The following PCM1 variants were observed in gnomAD, a reference collection of about 807,000 sequenced individuals.
PCM1 encodes the protein pericentriolar material 1.
Under a neutral mutation model 241.9 loss-of-function variants are expected in PCM1, and 157 were observed. The observed-to-expected ratio is 0.65, with a 90% confidence interval of 0.57 to 0.74. PCM1 has a LOEUF of 0.74. Ranked by LOEUF, PCM1 falls within the 30% of genes least tolerant of loss-of-function variation. PCM1 has a pLI of 0.00. For missense variants in PCM1, 3,478 were observed against 2,360.1 expected, an observed-to-expected ratio of 1.47 and a Z score of -9.81; for synonymous variants, 1,085 against 784.9, an observed-to-expected ratio of 1.38 and a Z score of -6.39.
chr8:17,936,515 C>G (rs777534429), intron 3 of PCM1, among the ~76,000 whole-genome samples: 1 of 152,020 alleles, frequency 6.6e-6, no homozygotes, highest in Admixed American at 6.6e-5. Flanking sequence ...TTTTGTAATT[C>G]CATATTAGCT....
intron 9 of PCM1, among the ~76,000 whole-genome samples, chr8:17,953,574 CAT>C (rs2066876834): frequency 6.6e-6 from 1 of 151,926 alleles, no homozygotes; most frequent in Non-Finnish European, 1.5e-5. Flanking sequence ...AACTGTGAAA[CAT>C]AGTGTGTATT....
chr8:17,988,547 T>C (rs961175719), intron 26 of PCM1, among the ~76,000 whole-genome samples: 2 of 151,788 alleles, frequency 1.3e-5, no homozygotes, highest in African/African-American at 4.8e-5. Context: ...ATTAAGAAAT[T>C]AGACTTAACA....
intron 24 of PCM1, among the ~76,000 whole-genome samples, chr8:17,983,011 A>G (rs1420452579): frequency 6.6e-6 from 1 of 152,198 alleles, no homozygotes; most frequent in African/African-American, 2.4e-5. Context: ...GAAGTTTATT[A>G]TGATAGTCAT....
At chr8:17,999,453 C>T (rs1417957647) in intron 29 of PCM1, among the ~76,000 whole-genome samples, 1 of 152,064 alleles carries the variant, frequency 6.6e-6, no homozygotes, top group Non-Finnish European at 1.5e-5. Flanking sequence ...CTAAAAATGT[C>T]ATCTTGGAGC....
rs184441881 is a variant in PCM1 at position 17,966,505 on chromosome 8, A to G, written c.3221+32A>G. ...TGTTTCTTAGAAGTATTGAGACTGT[A>G]TAAGAGCTAACATTGAGCAGAGGTT... On this transcript the variant is annotated intron_variant, in intron 20 of 38. Transcript: ENST00000325083. The G allele has an allele frequency of 1.7e-4, 276 of 1,598,078 alleles. 1 individual carries two copies. The African/African-American group carries it at 2.6e-3, about 15-fold the overall frequency.
intron 20 of PCM1, among the ~76,000 whole-genome samples, chr8:17,966,770 G>A (rs113650793): frequency 0.013 from 2,015 of 152,246 alleles, 24 homozygotes; most frequent in African/African-American, 0.032. Flanking sequence ...CAGTTTTACC[G>A]ACTGTCGGAC....
rs778943046 is a variant in PCM1, at chr8:17,957,245, G to A, written c.1647-19G>A. ...TTTTTTGTGCCTTAAATGACTTCAG[G>A]CTGTTTTCTTTCTTCTAGAAATCCA... On this transcript the variant is annotated intron_variant, in intron 11 of 38. Coordinates refer to ENST00000325083, the MANE Select transcript of PCM1 (RefSeq NM_006197.4). 8 of 1,564,250 alleles carry A rather than the reference G, an allele frequency of 5.1e-6. No homozygotes were observed. Among genetic ancestry groups the A allele is most frequent in the Non-Finnish European group, 6.1e-6 (7 of 1,156,324 alleles).
chr8:17,937,951 ATATC>A (rs1006902141), intron 4 of PCM1, among the ~76,000 whole-genome samples: 3 of 152,198 alleles, frequency 2.0e-5, no homozygotes, highest in African/African-American at 4.8e-5. Context: ...TCATTTATTT[ATATC>A]TATTTATCAA....
intron 21 of PCM1, among the ~76,000 whole-genome samples, chr8:17,968,756 GTGTGTGTATATA>G (rs1212832199): frequency 7.6e-6 from 1 of 130,736 alleles, no homozygotes; most frequent in African/African-American, 2.8e-5. Context: ...GTGTGTGTGT[GTGTGTGTATATA>G]TATATATATA....
At position 17,950,664 on chromosome 8, in the gene PCM1, A is replaced by G. The variant is rs1278567220; in HGVS notation, c.1011A>G (p.Glu337=). 5.6e-6 allele frequency: 9 copies of G among 1,606,452 alleles called. No individual in the cohort carries two copies. The highest frequency in any genetic ancestry group is 2.7e-5 in the African/African-American group (2 of 74,832). ...TATCTGGCGTCAGTATCACATCTGA[A>G]CTAAATGAAGAATTGAATGACTTAA... The part of the protein sequence containing the change: ...GSLSGVSITS[E]LNEELNDLIQ... Residue 337 remains glutamate, a synonymous_variant, in exon 8 of 39, where the codon GAA becomes GAG. Transcript: ENST00000325083.
rs945449683 is a variant in PCM1 at position 17,961,949 on chromosome 8, A to G, written c.2323-85A>G. On this transcript the variant is annotated intron_variant, in intron 15 of 38. Coordinates refer to ENST00000325083, the MANE Select transcript of PCM1 (RefSeq NM_006197.4). Reference sequence around the variant, plus strand: ...AGATTAAATATGGCACTAGAGCCTTAGTGCCATATTTAAAGTAACTGCTTT... The same window carrying G: ...AGATTAAATATGGCACTAGAGCCTTGGTGCCATATTTAAAGTAACTGCTTT... 3 of 1,159,178 alleles carry G rather than the reference A, an allele frequency of 2.6e-6. No homozygotes were observed. The African/African-American group carries it at 4.6e-5, about 18-fold the overall frequency. The allele number at this position is 1,159,178 out of a possible 1,614,324, so 71.8% of individuals were successfully genotyped here. A position where few individuals can be genotyped will look rare whatever the true frequency, so the allele number is the denominator to read the frequency against.
chr8:18,007,695 G>C (rs778818343), intron 30 of PCM1, among the ~76,000 whole-genome samples: 3 of 152,056 alleles, frequency 2.0e-5, no homozygotes, highest in Non-Finnish European at 4.4e-5. Flanking sequence ...ATATTGCCCA[G>C]AGTATTGAAA....
At chr8:18,015,949 C>T (rs866523068) in intron 36 of PCM1, among the ~76,000 whole-genome samples, 19 of 152,286 alleles carry the variant, frequency 1.2e-4, no homozygotes, top group Middle Eastern at 6.8e-3. Context: ...AGTGCAGTGG[C>T]GCGATCTCGG....
chr8:17,936,442 A>C (rs922189595), intron 3 of PCM1, among the ~76,000 whole-genome samples: 1 of 152,214 alleles, frequency 6.6e-6, no homozygotes, highest in Admixed American at 6.5e-5. Flanking sequence ...TTTGTTAATG[A>C]ATTAGGTTAT....
At chr8:17,935,347 G>C (rs754006691) in intron 2 of PCM1, among the ~76,000 whole-genome samples, 2 of 152,190 alleles carry the variant, frequency 1.3e-5, no homozygotes, top group Non-Finnish European at 2.9e-5. Flanking sequence ...GCAGACTGGT[G>C]CTCACAAGGT....
At chr8:18,022,886 T>C (rs1273176795) in intron 36 of PCM1, among the ~76,000 whole-genome samples, 1 of 152,236 alleles carries the variant, frequency 6.6e-6, no homozygotes, top group Non-Finnish European at 1.5e-5. Context: ...GTAGTTTCAC[T>C]GTATACAATA....
intron 7 of PCM1, 88 bp downstream of exon 7, chr8:17,947,451 G>GC: frequency 8.6e-6 from 8 of 931,962 alleles, no homozygotes; most frequent in Non-Finnish European, 1.3e-5. Flanking sequence ...TACATAATCA[G>GC]ATCTTGATTG....
chr8:17,970,803 T>C (rs1338133738), intron 22 of PCM1, among the ~76,000 whole-genome samples: 1 of 152,240 alleles, frequency 6.6e-6, no homozygotes, highest in Admixed American at 6.5e-5. Context: ...AGGATGGATC[T>C]GAATGTCTAA....
Position 18,006,391 on chromosome 8 carries a change from A to T in PCM1, c.4956A>T (p.Ile1652=), listed in dbSNP as rs2091314059. 6.2e-7 allele frequency: 1 copy of T among 1,607,186 alleles called. No individual in the cohort carries two copies. Among genetic ancestry groups the T allele is most frequent in the East Asian group, 2.2e-5 (1 of 44,806 alleles). The change falls in exon 30 of 39, where the codon ATA becomes ATT. Residue 1652 remains isoleucine (I), a synonymous_variant. Coordinates refer to ENST00000325083, the MANE Select transcript of PCM1 (RefSeq NM_006197.4). Reference sequence around the variant, plus strand: ...TCTTTCATAAACAACTTGGAAGTATATTACAGGTAAGAGTTTATACTTGTA... The same window carrying T: ...TCTTTCATAAACAACTTGGAAGTATTTTACAGGTAAGAGTTTATACTTGTA... ...VKFFHKQLGS[I]LQDSLAKFAG...
Sources: allele counts gnomAD v4.1 joint callset (sites outside exome capture counted in the v4.1 genomes callset), GRCh38; gene constraint gnomAD v4.1.1; transcripts MANE v1.5; gene names NCBI Gene and HGNC (gene_info 2026-07-23, HGNC 2026-07-21).